The following SDK1 variants were observed in gnomAD, a reference collection of about 807,000 sequenced individuals.
SDK1 encodes protein sidekick-1.
SDK1 carries 157 observed loss-of-function variants against 245.5 expected under a neutral mutation model. The observed-to-expected ratio is 0.64, with a 90% CI of 0.56 to 0.73. SDK1 has a LOEUF of 0.73. Ranked by LOEUF, SDK1 falls within the 30% of genes least tolerant of loss-of-function variation. SDK1 has a pLI of 0.00. For synonymous variants in SDK1, 1,647 were observed against 1,278.5 expected, an observed-to-expected ratio of 1.29 and a Z score of -6.15; for missense variants, 3,583 against 3,002.3, an observed-to-expected ratio of 1.19 and a Z score of -4.52.
At chr7:4,008,938 G>C (rs1258165742) in intron 14 of SDK1, among the ~76,000 whole-genome samples, 1 of 152,164 alleles carries the variant, frequency 6.6e-6, no homozygotes, top group Non-Finnish European at 1.5e-5. Flanking sequence ...TGGATTCTAT[G>C]GTAATTCTGT....
chr7:4,250,086 G>C (rs1448545906), intron 44 of SDK1, among the ~76,000 whole-genome samples: 1 of 152,132 alleles, frequency 6.6e-6, no homozygotes, highest in East Asian at 1.9e-4. Context: ...CAACCAGTAA[G>C]CTACTTTCTA....
chr7:3,320,524 A>T (rs187305446), intron 1 of SDK1, among the ~76,000 whole-genome samples: 282 of 152,270 alleles, frequency 1.9e-3, no homozygotes, highest in Non-Finnish European at 2.9e-3. Flanking sequence ...TGAAAACCCT[A>T]AAGATGAAGC....
At chr7:3,416,781 A>T (rs1224525541) in intron 1 of SDK1, among the ~76,000 whole-genome samples, 1 of 152,248 alleles carries the variant, frequency 6.6e-6, no homozygotes, top group East Asian at 1.9e-4. Context: ...CATGCCTCGA[A>T]TAAAGCCCAT....
chr7:3,571,614 C>G (rs916996125), intron 1 of SDK1, among the ~76,000 whole-genome samples: 2 of 152,030 alleles, frequency 1.3e-5, no homozygotes, highest in Admixed American at 1.3e-4. Flanking sequence ...TGAAAGCAGC[C>G]TTTTGTTTTA....
At chr7:3,672,758 T>TACA (rs60804020) in intron 4 of SDK1, among the ~76,000 whole-genome samples, 1 of 68,870 alleles carries the variant, frequency 1.5e-5, no homozygotes, top group African/African-American at 5.2e-5. Context: ...AATATATAAT[T>TACA]TTATATATAT....
chr7:3,367,900 A>G (rs1285727530), intron 1 of SDK1, among the ~76,000 whole-genome samples: 6 of 152,214 alleles, frequency 3.9e-5, no homozygotes, highest in Non-Finnish European at 8.8e-5. Context: ...TGTTTTCTTT[A>G]GAAACTTAGA....
intron 5 of SDK1, among the ~76,000 whole-genome samples, chr7:3,843,314 T>G (rs1033577201): frequency 1.3e-5 from 2 of 152,220 alleles, no homozygotes; most frequent in Non-Finnish European, 2.9e-5. Context: ...TGAGTGGGAT[T>G]TGAAGCCAAG....
intron 5 of SDK1, among the ~76,000 whole-genome samples, chr7:3,864,169 T>C (rs1192547002): frequency 6.6e-6 from 1 of 152,256 alleles, no homozygotes; most frequent in Non-Finnish European, 1.5e-5. Flanking sequence ...CTGGTCTATT[T>C]TTCATTCACT....
intron 1 of SDK1, among the ~76,000 whole-genome samples, chr7:3,449,162 C>T (rs887652389): frequency 1.2e-4 from 19 of 152,174 alleles, no homozygotes; most frequent in Non-Finnish European, 2.9e-5. Context: ...AGGAATGGTT[C>T]TCCAAGTAAA....
intron 14 of SDK1, among the ~76,000 whole-genome samples, chr7:4,008,372 A>G (rs771105231): frequency 3.3e-5 from 5 of 152,220 alleles, no homozygotes; most frequent in Non-Finnish European, 7.3e-5. Context: ...TAGCAAAGCA[A>G]TTTTACTTCT....
intron 4 of SDK1, among the ~76,000 whole-genome samples, chr7:3,709,839 G>C (rs1052251458): frequency 1.3e-5 from 2 of 152,116 alleles, no homozygotes; most frequent in Non-Finnish European, 2.9e-5. Flanking sequence ...GAAGCTGTAG[G>C]CTCTCTCCTC....
chr7:3,875,194 C>T (rs1781046469), intron 5 of SDK1, among the ~76,000 whole-genome samples: 1 of 147,978 alleles, frequency 6.8e-6, no homozygotes. Context: ...TCTGGATTTT[C>T]TAGGTTTTGA....
intron 2 of SDK1, among the ~76,000 whole-genome samples, chr7:3,637,956 C>A (rs1375038521): frequency 6.6e-6 from 1 of 152,232 alleles, no homozygotes; most frequent in African/African-American, 2.4e-5. Context: ...TGGAGTGACA[C>A]AAGACATCGT....
At chr7:3,419,742 TTCA>T (rs1779486103) in intron 1 of SDK1, among the ~76,000 whole-genome samples, 1 of 152,210 alleles carries the variant, frequency 6.6e-6, no homozygotes. Flanking sequence ...TACCTGTGTA[TTCA>T]TCAAGTACTG....
intron 13 of SDK1, among the ~76,000 whole-genome samples, chr7:3,975,830 G>A (rs1019558692): frequency 2.6e-5 from 4 of 152,268 alleles, no homozygotes; most frequent in Admixed American, 1.3e-4. Flanking sequence ...GAAGCGGCAG[G>A]AGTCCCCATG....
At chr7:3,344,704 A>T (rs1011457923) in intron 1 of SDK1, among the ~76,000 whole-genome samples, 1 of 152,222 alleles carries the variant, frequency 6.6e-6, no homozygotes, top group African/African-American at 2.4e-5. Context: ...TGCTGATAGC[A>T]CGTTTCAATC....
chr7:3,585,019 C>T (rs757232501), intron 1 of SDK1, among the ~76,000 whole-genome samples: 21 of 152,290 alleles, frequency 1.4e-4, no homozygotes, highest in Non-Finnish European at 2.6e-4. Flanking sequence ...CCACCGCGCC[C>T]AGCCAACTTC....
rs879271368 is a variant in SDK1 at position 3,799,597 on chromosome 7, C to A, written c.714-21853C>A. 9.7e-4 allele frequency among the ~76,000 whole-genome samples: 144 copies of A among 148,168 alleles called. 2 individuals carry two copies. Among genetic ancestry groups the A allele is most frequent in the African/African-American group, 3.4e-3 (137 of 40,442 alleles). ...GCGGGCACCTGTAGTCCCAGCTACTCGGGAGGCTGAGGCAGGAGAATGGCG... is the reference window on the plus strand; with the variant it reads ...GCGGGCACCTGTAGTCCCAGCTACTAGGGAGGCTGAGGCAGGAGAATGGCG... On this transcript the variant is annotated intron_variant, in intron 4 of 44. Coordinates refer to ENST00000404826, the MANE Select transcript of SDK1 (RefSeq NM_152744.4).
intron 5 of SDK1, among the ~76,000 whole-genome samples, chr7:3,850,549 C>T (rs1780392656): frequency 6.6e-6 from 1 of 152,142 alleles, no homozygotes; most frequent in Non-Finnish European, 1.5e-5. Flanking sequence ...TATAAAGACA[C>T]ATGCACACGT....
Sources: allele counts gnomAD v4.1 joint callset (sites outside exome capture counted in the v4.1 genomes callset), GRCh38; gene constraint gnomAD v4.1.1; transcripts MANE v1.5; gene names NCBI Gene and HGNC (gene_info 2026-07-23, HGNC 2026-07-21).